The following SNED1 variants were observed in gnomAD, a reference collection of about 807,000 sequenced individuals.
SNED1 encodes sushi, nidogen and EGF-like domain-containing protein 1.
SNED1 carries 81 observed loss-of-function variants against 166.7 expected under a neutral mutation model. That is an observed-to-expected ratio of 0.49 (90% confidence interval 0.41 to 0.58). The LOEUF (loss-of-function observed/expected upper bound fraction) is 0.58, where lower values mean the gene tolerates loss of function less well. Among genes scored for constraint, SNED1 ranks in the 20% least tolerant of loss-of-function variants. The pLI, the probability that SNED1 is intolerant of heterozygous loss-of-function variation, is 0.00. For missense variants in SNED1, 1,604 were observed against 2,000.2 expected, an observed-to-expected ratio of 0.80 and a Z score of 3.78; for synonymous variants, 762 against 822.0, an observed-to-expected ratio of 0.93 and a Z score of 1.25.
At position 240,999,034 on chromosome 2, in the gene SNED1, A is replaced by T; in HGVS notation, c.197A>T (p.Glu66Val). The change falls in exon 1 of 32, where the codon GAG becomes GTG. Residue 66 changes from glutamate to valine, a missense_variant. By Grantham distance (121) the Glu-to-Val change is moderately radical. This residue lies in a region of SNED1 where 1,237 missense variants were observed against 1,620.8 expected (regional missense o/e 0.76). Coordinates refer to ENST00000310397, the MANE Select transcript of SNED1 (RefSeq NM_001080437.3). This position sits in a 1 kb window ranked among gnomAD's most constrained non-coding sequence, Gnocchi z 5.8. ...LSVPFPFFGA[E>V]HSGLYVNNNG... ...GTGCCCTTCCCGTTCTTCGGTGCCG[A>T]GCACTCCGGACTCTACGTGAGTAAC... 7.6e-7 allele frequency: 1 copy of T among 1,320,896 alleles called. No homozygotes were observed. Among genetic ancestry groups the T allele is most frequent in the Non-Finnish European group, 9.7e-7 (1 of 1,030,730 alleles). 81.8% of individuals were successfully genotyped at this position (1,320,896 alleles called of 1,614,324 possible).
chr2:240,998,100 C>G (rs192521971), upstream of SNED1, among the ~76,000 whole-genome samples: 8 of 152,396 alleles, frequency 5.2e-5, no homozygotes, highest in African/African-American at 1.9e-4. Context: ...TCTCCTGATG[C>G]GGCCACGCAG....
At chr2:241,089,248 C>A in intron 31 of SNED1, 1 of 1,510,802 alleles carries the variant, frequency 6.6e-7, no homozygotes, top group Non-Finnish European at 8.9e-7. Flanking sequence ...CCTAGGACAG[C>A]TTTGCTCTTC....
chr2:240,999,418 C>G lies in SNED1; in HGVS notation c.213+368C>G, dbSNP rs1208596279. On this transcript the variant is annotated intron_variant, in intron 1 of 31. Transcript: ENST00000310397. This position sits in a 1 kb window ranked among gnomAD's most constrained non-coding sequence, Gnocchi z 5.8. ...AATGTGGCCGTGGGCACGGGCTTCC[C>G]GGGCCTCAGTTTCCCAAGTGGGGCG... is the stretch of plus-strand genomic sequence containing the variant. 2.0e-5 allele frequency among the ~76,000 whole-genome samples: 3 copies of G among 152,158 alleles called. No individual in the cohort carries two copies. Among genetic ancestry groups the G allele is most frequent in the Non-Finnish European group, 4.4e-5 (3 of 68,012 alleles).
rs998299463 is a variant in SNED1 at position 241,072,557 on chromosome 2, C to T, written c.3817+679C>T. ...AGCCTAGTCACCAGTTTAATGAACA[C>T]GCTCTGAGCAAAAACTCCTCAGGCA... On this transcript the variant is annotated intron_variant, in intron 26 of 31. Transcript: ENST00000310397. 2.7e-5 allele frequency: 8 copies of T among 296,962 alleles called. No individual in the cohort carries two copies. In the East Asian group the frequency reaches 3.1e-4, roughly 11 times the overall value. 18.4% of individuals were successfully genotyped at this position (296,962 alleles called of 1,614,324 possible). A position where few individuals can be genotyped will look rare whatever the true frequency, so the allele number is the denominator to read the frequency against.
intron 29 of SNED1, 79 bp downstream of exon 29, chr2:241,082,443 C>A (rs955453885): frequency 4.6e-6 from 5 of 1,093,398 alleles, no homozygotes; most frequent in Non-Finnish European, 6.9e-6. Flanking sequence ...CAAAGCTACC[C>A]AGCTAACCCT....
intron 21 of SNED1, among the ~76,000 whole-genome samples, chr2:241,066,911 C>G (rs557649714): frequency 1.3e-5 from 2 of 152,336 alleles, no homozygotes; most frequent in South Asian, 4.1e-4. Flanking sequence ...CACCAAGGGG[C>G]TGGAGTTCCC....
intron 8 of SNED1, among the ~76,000 whole-genome samples, chr2:241,041,671 T>C (rs921055880): frequency 6.6e-6 from 1 of 151,746 alleles, no homozygotes; most frequent in African/African-American, 2.4e-5. Context: ...GGTAACAGAA[T>C]GAGTGAGACT....
intron 10 of SNED1, 125 bp from the exon 11 acceptor site, chr2:241,048,897 T>C: frequency 8.5e-7 from 1 of 1,180,942 alleles, no homozygotes; most frequent in Non-Finnish European, 1.2e-6. Flanking sequence ...CAGGAGGGAC[T>C]GGCCACAAGA....
Position 241,063,679 on chromosome 2 carries a change from G to C in SNED1, c.2464G>C (p.Val822Leu), listed in dbSNP as rs370287253. 6.2e-7 allele frequency: 1 copy of C among 1,610,440 alleles called. No individual in the cohort carries two copies. The highest frequency in any genetic ancestry group is 8.5e-7 in the Non-Finnish European group (1 of 1,178,238). The change falls in exon 18 of 32, where the codon GTT becomes CTT. Residue 822 changes from valine to leucine, a missense_variant. Physicochemically the swap from Val to Leu is conservative, Grantham distance 32. Around this residue, in one of 2 missense-constraint regions of SNED1, gnomAD observed 1,237 missense variants for 1,620.8 expected, o/e 0.76. Coordinates refer to ENST00000310397, the MANE Select transcript of SNED1 (RefSeq NM_001080437.3). ...TGTCTGCCGGTGCCCTGCAGGCTTC[G>C]TTGGAGTCCACTGTGAGACAGGTAG... ...AYVCRCPAGF[V>L]GVHCETEVDA... is the part of the protein sequence containing the mutation.
At chr2:241,015,375 T>G (rs1227116726) in intron 1 of SNED1, among the ~76,000 whole-genome samples, 3 of 152,230 alleles carry the variant, frequency 2.0e-5, no homozygotes, top group African/African-American at 7.2e-5. Flanking sequence ...CACACTATCG[T>G]AAATAGTGTC....
intron 1 of SNED1, among the ~76,000 whole-genome samples, chr2:241,003,217 C>G (rs1417216603): frequency 2.1e-5 from 3 of 141,854 alleles, no homozygotes; most frequent in East Asian, 2.2e-4. Flanking sequence ...CCTTAGTTTT[C>G]TTGTTTGGGA....
intron 6 of SNED1, among the ~76,000 whole-genome samples, chr2:241,038,455 A>C (rs1267770701): frequency 6.6e-6 from 1 of 152,232 alleles, no homozygotes; most frequent in Non-Finnish European, 1.5e-5. Flanking sequence ...TGGAAATGTG[A>C]CTTCAAGGTC....
At chr2:241,031,221 A>G (rs1396452136) in intron 2 of SNED1, among the ~76,000 whole-genome samples, 1 of 152,040 alleles carries the variant, frequency 6.6e-6, no homozygotes, top group Non-Finnish European at 1.5e-5. Context: ...CTGGAGTGCA[A>G]TAGCACGATC....
At chr2:241,053,118 C>G in intron 15 of SNED1, 35 bp from the exon 16 acceptor site, 2 of 1,588,610 alleles carry the variant, frequency 1.3e-6, no homozygotes, top group East Asian at 4.6e-5. Context: ...CAGGAAGGCA[C>G]AGGACCGTGC....
chr2:241,088,611 AC>A, intron 31 of SNED1: 1 of 573,812 alleles, frequency 1.7e-6, no homozygotes, highest in Non-Finnish European at 3.1e-6. Flanking sequence ...CTAGCCACTG[AC>A]AAATACACCT....
chr2:241,030,435 C>G lies in SNED1; in HGVS notation c.365C>G (p.Thr122Ser), dbSNP rs752528765. The change falls in exon 2 of 32, where the codon ACC becomes AGC. Residue 122 changes from threonine (T) to serine (S), a missense_variant. Thr to Ser is a moderately conservative substitution (Grantham distance 58). This residue lies in a region of SNED1 where 1,237 missense variants were observed against 1,620.8 expected (regional missense o/e 0.76). Transcript: ENST00000310397. ...GGCGACGTGTACTACCGGGAGGCCACCGACCCAGCCATGCTGCGCCGAGCC... is the reference window on the plus strand; with the variant it reads ...GGCGACGTGTACTACCGGGAGGCCAGCGACCCAGCCATGCTGCGCCGAGCC... The part of the protein sequence containing the change: ...RAGDVYYREA[T>S]DPAMLRRATE... 1 of 1,613,478 alleles carries G rather than the reference C, an allele frequency of 6.2e-7. No individual in the cohort carries two copies. Among genetic ancestry groups the G allele is most frequent in the African/African-American group, 1.3e-5 (1 of 74,940 alleles).
chr2:241,000,569 G>T (rs2106520441), intron 1 of SNED1, among the ~76,000 whole-genome samples: 1 of 152,238 alleles, frequency 6.6e-6, no homozygotes, highest in Non-Finnish European at 1.5e-5. Context: ...TAAGCATTTG[G>T]GCCAGGCTCA....
chr2:241,069,052 A>G lies in SNED1; in HGVS notation c.3307+29A>G, dbSNP rs1267336353. The G allele has an allele frequency of 2.1e-6, 3 of 1,455,004 alleles. No individual in the cohort carries two copies. In the Admixed American group the frequency reaches 6.2e-5, roughly 30 times the overall value. 90.1% of individuals were successfully genotyped at this position (1,455,004 alleles called of 1,614,324 possible). On this transcript the variant is annotated intron_variant, in intron 23 of 31. Transcript: ENST00000310397. The surrounding 1 kb of genome is among the most constrained non-coding windows in gnomAD (Gnocchi z 4.9). Reference sequence around the variant, plus strand: ...AGTAGAGCAGCGCGGCCCCCGGCACACGAAAGGCCGTCTTCTAGAAGCTCT... The same window carrying G: ...AGTAGAGCAGCGCGGCCCCCGGCACGCGAAAGGCCGTCTTCTAGAAGCTCT...
At chr2:241,029,183 C>G (rs1318287711) in intron 1 of SNED1, among the ~76,000 whole-genome samples, 2 of 152,262 alleles carry the variant, frequency 1.3e-5, no homozygotes, top group Non-Finnish European at 2.9e-5. Context: ...TTCACCTGGG[C>G]CCAGCACCCT....
Sources: gnomAD v4.1 joint callset for allele counts (sites outside exome capture counted in the v4.1 genomes callset) on GRCh38, gnomAD v4.1.1 for gene constraint, gnomAD v4.1.1 regional missense constraint, Gnocchi (gnomAD v3.1) non-coding constraint, MANE v1.5 for transcripts, NCBI Gene and HGNC (gene_info 2026-07-23, HGNC 2026-07-21) for gene names.